The following ROBO2 variants were observed in gnomAD, a reference collection of about 807,000 sequenced individuals.
The protein encoded by ROBO2 is roundabout homolog 2.
A neutral mutation model predicts 160.8 loss-of-function variants in ROBO2; 53 were observed. The ratio of observed to expected loss-of-function variants is 0.33; its 90% CI spans 0.26 to 0.41. The LOEUF (loss-of-function observed/expected upper bound fraction) is 0.41. Ranked by LOEUF, ROBO2 falls within the 10% of genes least tolerant of loss-of-function variation. The probability of loss-of-function intolerance (pLI) is 1.00; values close to 1 mark genes in which losing one functional copy is unlikely to be tolerated. For synonymous variants in ROBO2, 664 were observed against 611.7 expected (o/e 1.09, Z -1.26); for missense variants, 1,577 against 1,722.4 (o/e 0.92, Z 1.49).
At chr3:76,755,225 TC>T (rs2108292849) in intron 2 of ROBO2, among the ~76,000 whole-genome samples, 1 of 152,028 alleles carries the variant, frequency 6.6e-6, no homozygotes, top group Admixed American at 6.6e-5. Context: ...ATTCTCTCAT[TC>T]ACTGAATATT....
At chr3:76,014,167 T>C (rs529567464) in intron 2 of ROBO2, among the ~76,000 whole-genome samples, 35 of 150,066 alleles carry the variant, frequency 2.3e-4, no homozygotes, top group African/African-American at 7.4e-4. Context: ...TAAAGGCAAT[T>C]GGCGACTGGG....
chr3:77,519,129 A>G (rs2090330392), intron 5 of ROBO2, among the ~76,000 whole-genome samples: 1 of 151,498 alleles, frequency 6.6e-6, no homozygotes, highest in Non-Finnish European at 1.5e-5. Flanking sequence ...TTTAATTTTA[A>G]CTTTTCACAA....
At chr3:76,665,919 T>A (rs1183656991) in intron 2 of ROBO2, among the ~76,000 whole-genome samples, 1 of 143,270 alleles carries the variant, frequency 7.0e-6, no homozygotes, top group East Asian at 2.0e-4. Context: ...ATACACATAT[T>A]TTATATGTAA....
intron 2 of ROBO2, among the ~76,000 whole-genome samples, chr3:77,286,531 C>A (rs2060613815): frequency 6.6e-6 from 1 of 152,108 alleles, no homozygotes; most frequent in South Asian, 2.1e-4. Context: ...GCTGGGATTA[C>A]AGGCGTGAGT....
chr3:76,141,137 CTCTCTCTCTCTCTCTCTCTCTCTA>C (rs1417227536), intron 2 of ROBO2, among the ~76,000 whole-genome samples: 3 of 58,462 alleles, frequency 5.1e-5, no homozygotes, highest in African/African-American at 2.2e-4. Flanking sequence ...CTCTCTCTCT[CTCTCTCTCTCTCTCTCTCTCTCTA>C]TATATATATA....
intron 2 of ROBO2, among the ~76,000 whole-genome samples, chr3:77,333,353 G>A (rs563450170): frequency 6.6e-6 from 1 of 152,270 alleles, no homozygotes; most frequent in South Asian, 2.1e-4. Flanking sequence ...TAGAAGGGAA[G>A]CTTTCTGCTT....
At chr3:77,462,062 A>G (rs1213226934) in intron 2 of ROBO2, among the ~76,000 whole-genome samples, 1 of 152,206 alleles carries the variant, frequency 6.6e-6, no homozygotes, top group East Asian at 1.9e-4. Context: ...TACACTCACA[A>G]CTTATAATTT....
chr3:76,879,809 C>T (rs999689128), intron 2 of ROBO2, among the ~76,000 whole-genome samples: 2 of 152,074 alleles, frequency 1.3e-5, no homozygotes, highest in African/African-American at 4.8e-5. Flanking sequence ...GTGTTCTAAA[C>T]TGTTCGTTAT....
rs376229935 is a variant in ROBO2 at position 77,090,853 on chromosome 3, G to C, written c.62-7161G>C. ...GGTGGCTCTGATCACATTCAGAATT[G>C]AAGTAATCCTGGAGAATCTTCCTGG... On this transcript the variant is annotated intron_variant, in intron 1 of 25. Coordinates refer to ENST00000461745, the Ensembl canonical transcript of ROBO2. 9.2e-5 allele frequency among the ~76,000 whole-genome samples: 14 copies of C among 152,214 alleles called. No individual in the cohort carries two copies. In the East Asian group the frequency reaches 2.7e-3, roughly 29 times the overall value.
At chr3:77,464,605 T>C (rs2082580139) in intron 2 of ROBO2, among the ~76,000 whole-genome samples, 1 of 152,310 alleles carries the variant, frequency 6.6e-6, no homozygotes, top group South Asian at 2.1e-4. Context: ...TAATTATTAA[T>C]AGTACTTCCT....
intron 2 of ROBO2, among the ~76,000 whole-genome samples, chr3:76,036,085 C>T (rs1266302522): frequency 1.3e-5 from 2 of 151,926 alleles, no homozygotes; most frequent in African/African-American, 4.8e-5. Flanking sequence ...TTATAAACTT[C>T]TACACATTTC....
intron 2 of ROBO2, among the ~76,000 whole-genome samples, chr3:76,271,318 A>G (rs1178844513): frequency 6.6e-6 from 1 of 151,934 alleles, no homozygotes; most frequent in Non-Finnish European, 1.5e-5. Context: ...CAACATGTTT[A>G]ATTTTAACAA....
intron 21 of ROBO2, among the ~76,000 whole-genome samples, chr3:77,611,132 A>C (rs2094630339): frequency 6.6e-6 from 1 of 151,942 alleles, no homozygotes. Context: ...CCCCGTCTCT[A>C]CTAAAAATAC....
chr3:76,065,579 C>A (rs2068223787), intron 2 of ROBO2, among the ~76,000 whole-genome samples: 1 of 151,766 alleles, frequency 6.6e-6, no homozygotes, highest in South Asian at 2.1e-4. Flanking sequence ...TAAAATTTCC[C>A]TTATAATAAC....
intron 2 of ROBO2, among the ~76,000 whole-genome samples, chr3:77,300,280 T>A (rs2153411494): frequency 6.6e-6 from 1 of 152,052 alleles, no homozygotes; most frequent in Admixed American, 6.6e-5. Flanking sequence ...CAAAAATTAT[T>A]CTAAGAAAGA....
chr3:75,931,698 T>C (rs1360248848), intron 1 of ROBO2, among the ~76,000 whole-genome samples: 1 of 152,158 alleles, frequency 6.6e-6, no homozygotes, highest in Non-Finnish European at 1.5e-5. Flanking sequence ...AAATCTTACA[T>C]AATCTGAATT....
At chr3:77,325,271 G>A (rs2065260198) in intron 2 of ROBO2, among the ~76,000 whole-genome samples, 1 of 152,210 alleles carries the variant, frequency 6.6e-6, no homozygotes, top group Admixed American at 6.5e-5. Context: ...AGAAATCTCA[G>A]TGACTGAAGA....
chr3:76,281,937 C>A (rs181014012), intron 2 of ROBO2, among the ~76,000 whole-genome samples: 9 of 152,114 alleles, frequency 5.9e-5, no homozygotes, highest in African/African-American at 2.2e-4. Flanking sequence ...CAATGCCAAG[C>A]ACCTAGAGGG....
At chr3:76,214,034 GAAT>G (rs974571034) in intron 2 of ROBO2, among the ~76,000 whole-genome samples, 93 of 152,232 alleles carry the variant, frequency 6.1e-4, no homozygotes, top group African/African-American at 2.0e-3. Context: ...ATGCACCCAG[GAAT>G]AATGTTTTGC....
Sources: allele counts gnomAD v4.1 joint callset (sites outside exome capture counted in the v4.1 genomes callset), GRCh38; gene constraint gnomAD v4.1.1; transcripts MANE v1.5; gene names NCBI Gene and HGNC (gene_info 2026-07-23, HGNC 2026-07-21).